MLPH: variants seen among roughly 807,000 people sequenced by gnomAD.
MLPH encodes melanophilin.
MLPH carries 51 observed loss-of-function variants against 72.1 expected under a neutral mutation model. That is an observed-to-expected ratio of 0.71 (90% confidence interval 0.56 to 0.89). MLPH has a LOEUF of 0.89. MLPH is among the 40% of genes least tolerant of loss of function. MLPH has a pLI of 0.00. For synonymous variants in MLPH, 301 were observed against 310.1 expected (o/e 0.97, Z 0.31); for missense variants, 743 against 759.9 (o/e 0.98, Z 0.26).
chr2:237,509,784 A>T (rs2079851464), intron 2 of MLPH, among the ~76,000 whole-genome samples: 1 of 152,030 alleles, frequency 6.6e-6, no homozygotes, highest in Non-Finnish European at 1.5e-5. Context: ...GGACTCCTCC[A>T]CTCTCTTCAC....
intron 13 of MLPH, 79 bp from the exon 14 acceptor site, chr2:237,549,142 C>A: frequency 3.0e-6 from 4 of 1,351,958 alleles, no homozygotes; most frequent in Non-Finnish European, 4.2e-6. Context: ...GCTGGAAGAA[C>A]AATAAGAAAT....
intron 7 of MLPH, among the ~76,000 whole-genome samples, chr2:237,526,653 G>A (rs1000129199): frequency 1.3e-5 from 2 of 152,204 alleles, no homozygotes; most frequent in Non-Finnish European, 2.9e-5. Flanking sequence ...AGAGGCCATC[G>A]TGCTGGGAGA....
intron 8 of MLPH, among the ~76,000 whole-genome samples, chr2:237,532,244 G>T (rs527727847): frequency 1.3e-5 from 2 of 152,186 alleles, no homozygotes; most frequent in African/African-American, 4.8e-5. Context: ...CTCAGGAATC[G>T]TATTTTATCA....
Position 237,505,352 on chromosome 2 carries a change from C to T in MLPH, c.111-5222C>T, listed in dbSNP as rs147539024. ...CACCAACCCCAAGCCTCTGCCAGTCCCCTGGCTGCTCCTCATCGCATGCAG... is the reference window on the plus strand; with the variant it reads ...CACCAACCCCAAGCCTCTGCCAGTCTCCTGGCTGCTCCTCATCGCATGCAG... On this transcript the variant is annotated intron_variant, in intron 2 of 15. Coordinates refer to ENST00000264605, the MANE Select transcript of MLPH (RefSeq NM_024101.7). This position sits in a 1 kb window ranked among gnomAD's most constrained non-coding sequence, Gnocchi z 4.5. Among the ~76,000 whole-genome samples the T allele has an allele frequency of 2.1e-3, 316 of 152,280 alleles. 1 individual carries two copies. The highest frequency in any genetic ancestry group is 0.017 in the Middle Eastern group (5 of 294).
intron 9 of MLPH, among the ~76,000 whole-genome samples, chr2:237,534,857 C>T (rs1242113630): frequency 6.6e-6 from 1 of 152,204 alleles, no homozygotes; most frequent in African/African-American, 2.4e-5. Context: ...GCCACCACCT[C>T]TCATGCCCAG....
At chr2:237,538,225 C>T (rs1187401706) in intron 9 of MLPH, among the ~76,000 whole-genome samples, 1 of 152,198 alleles carries the variant, frequency 6.6e-6, no homozygotes, top group Non-Finnish European at 1.5e-5. Context: ...CCAAGCTTTC[C>T]CCCAGGAGGG....
At position 237,505,182 on chromosome 2, in the gene MLPH, T is replaced by C. The variant is rs2079739117; in HGVS notation, c.111-5392T>C. Among the ~76,000 whole-genome samples the C allele has an allele frequency of 2.0e-5, 3 of 152,162 alleles. No homozygotes were observed. The highest frequency in any genetic ancestry group is 2.0e-4 in the Admixed American group (3 of 15,268). ...ACTGTCCCCACCTCCTTGCTGGTCC[T>C]GATGCAGAGTGGAGGGCAGGTCAGC... On this transcript the variant is annotated intron_variant, in intron 2 of 15. Transcript: ENST00000264605. The surrounding 1 kb of genome is among the most constrained non-coding windows in gnomAD (Gnocchi z 4.5).
In MLPH at chr2:237,505,603, C is replaced by T. The variant is rs145235327; in HGVS notation, c.111-4971C>T. ...CCAGTATTCCTGCATGTTGCCACCA[C>T]ACCCCTGTCTAGATTTCACCCCAAG... On this transcript the variant is annotated intron_variant, in intron 2 of 15. Transcript: ENST00000264605. The surrounding 1 kb of genome is among the most constrained non-coding windows in gnomAD (Gnocchi z 4.5). Among the ~76,000 whole-genome samples the T allele has an allele frequency of 1.4e-3, 208 of 152,334 alleles. No individual in the cohort carries two copies. Among genetic ancestry groups the T allele is most frequent in the African/African-American group, 4.8e-3 (201 of 41,578 alleles).
rs561026580 is a variant in MLPH at position 237,490,013 on chromosome 2, A to G, written c.-25+2576A>G. ...GGAAGGCTGGCTGTCTCCAATGTTTAAAATATGATCGAATCTGAGCAGTGG... is the reference window on the plus strand; with the variant it reads ...GGAAGGCTGGCTGTCTCCAATGTTTGAAATATGATCGAATCTGAGCAGTGG... On this transcript the variant is annotated intron_variant, in intron 1 of 15. Transcript: ENST00000264605. Among the ~76,000 whole-genome samples the G allele has an allele frequency of 4.6e-5, 7 of 152,274 alleles. No homozygotes were observed. In the South Asian group the frequency reaches 1.5e-3, roughly 32 times the overall value.
intron 4 of MLPH, 101 bp downstream of exon 4, chr2:237,511,202 G>A: frequency 1.1e-6 from 1 of 872,170 alleles, no homozygotes; most frequent in Non-Finnish European, 1.9e-6. Context: ...ACGTGTGTGT[G>A]TGCATGTGTG....
intron 10 of MLPH, 71 bp from the exon 11 acceptor site, chr2:237,540,731 T>C: frequency 1.3e-6 from 2 of 1,585,750 alleles, no homozygotes; most frequent in Non-Finnish European, 8.6e-7. Context: ...AATATCGTGG[T>C]GAGTCCCCAT....
At chr2:237,504,070 A>G (rs1002174780) in intron 2 of MLPH, among the ~76,000 whole-genome samples, 4 of 152,230 alleles carry the variant, frequency 2.6e-5, no homozygotes, top group Admixed American at 2.0e-4. Context: ...CTAAACTGCC[A>G]GAGAGCAGAT....
intron 5 of MLPH, 80 bp from the exon 6 acceptor site, chr2:237,519,830 G>T: frequency 6.2e-7 from 1 of 1,604,574 alleles, no homozygotes; most frequent in Non-Finnish European, 8.5e-7. Flanking sequence ...TGAGTGTGGG[G>T]TTGGGGAGGT....
At chr2:237,498,660 G>A (rs2106468663) in intron 2 of MLPH, among the ~76,000 whole-genome samples, 1 of 152,300 alleles carries the variant, frequency 6.6e-6, no homozygotes, top group South Asian at 2.1e-4. Flanking sequence ...GAAGGAAGGG[G>A]AAGCCAGCAC....
At chr2:237,499,833 C>T (rs554664736) in intron 2 of MLPH, among the ~76,000 whole-genome samples, 1 of 152,202 alleles carries the variant, frequency 6.6e-6, no homozygotes, top group South Asian at 2.1e-4. Flanking sequence ...CAGCCTCGAC[C>T]TCCCAGGCTC....
chr2:237,531,223 T>A (rs886548749), intron 8 of MLPH, among the ~76,000 whole-genome samples: 3 of 152,076 alleles, frequency 2.0e-5, no homozygotes, highest in Non-Finnish European at 2.9e-5. Context: ...CTTGACACAT[T>A]CTACAGTTAT....
chr2:237,549,299 C>G (rs767501300), intron 14 of MLPH, 21 bp downstream of exon 14: 2 of 1,610,348 alleles, frequency 1.2e-6, no homozygotes, highest in Admixed American at 3.3e-5. Flanking sequence ...TCTGCTCCCC[C>G]ACCCCCATGG....
chr2:237,546,453 G>GGAGC (rs1437846863), intron 12 of MLPH, 153 bp from the exon 13 acceptor site: 1 of 711,312 alleles, frequency 1.4e-6, no homozygotes, highest in Non-Finnish European at 2.6e-6. Context: ...CCAGAGTCCT[G>GGAGC]GAGCGGCATA....
chr2:237,552,577 T>C (rs909133545), intron 15 of MLPH, 140 bp downstream of exon 15: 6 of 721,728 alleles, frequency 8.3e-6, no homozygotes, highest in African/African-American at 5.4e-5. Flanking sequence ...AAGCAAAAAG[T>C]AAAGTAAAAT....
Sources: gnomAD v4.1 joint callset for allele counts (sites outside exome capture counted in the v4.1 genomes callset) on GRCh38, gnomAD v4.1.1 for gene constraint, Gnocchi (gnomAD v3.1) non-coding constraint, MANE v1.5 for transcripts, NCBI Gene and HGNC (gene_info 2026-07-23, HGNC 2026-07-21) for gene names.